The following MALRD1 variants were observed in gnomAD, a reference collection of about 807,000 sequenced individuals.
The protein encoded by MALRD1 is MAM and LDL receptor class A domain containing 1.
In MALRD1, 247 loss-of-function variants were observed where a neutral mutation model predicts 242.1. The ratio of observed to expected loss-of-function variants is 1.02; its 90% CI spans 0.92 to 1.13. The LOEUF (loss-of-function observed/expected upper bound fraction) is 1.13, where lower values mean the gene tolerates loss of function less well. MALRD1 is among the 50% of genes most tolerant of loss of function. MALRD1 has a pLI of 0.00. For synonymous variants in MALRD1, 995 were observed against 866.6 expected, an observed-to-expected ratio of 1.15 and a Z score of -2.60; for missense variants, 2,989 against 2,533.1, an observed-to-expected ratio of 1.18 and a Z score of -3.86.
At chr10:19,492,481 A>T (rs1332946326) in intron 30 of MALRD1, among the ~76,000 whole-genome samples, 2 of 152,148 alleles carry the variant, frequency 1.3e-5, no homozygotes, top group African/African-American at 4.8e-5. Context: ...GTGGAACTAG[A>T]TAATCACATC....
At chr10:19,122,152 C>G (rs903342242) in intron 5 of MALRD1, among the ~76,000 whole-genome samples, 1 of 151,972 alleles carries the variant, frequency 6.6e-6, no homozygotes, top group Admixed American at 6.6e-5. Flanking sequence ...TCTGACATCT[C>G]TAATAAAGGA....
At chr10:19,144,913 A>G (rs1216678920) in intron 10 of MALRD1, among the ~76,000 whole-genome samples, 1 of 152,214 alleles carries the variant, frequency 6.6e-6, no homozygotes, top group Non-Finnish European at 1.5e-5. Context: ...TTGTTATTAA[A>G]GATGATAGCA....
chr10:19,175,569 C>A (rs912090687), intron 14 of MALRD1, among the ~76,000 whole-genome samples: 2 of 150,490 alleles, frequency 1.3e-5, no homozygotes, highest in Non-Finnish European at 3.0e-5. Context: ...GAAATTATTG[C>A]ATCCAAATAT....
intron 26 of MALRD1, among the ~76,000 whole-genome samples, chr10:19,383,423 A>G (rs1046675631): frequency 3.3e-5 from 5 of 152,172 alleles, no homozygotes; most frequent in African/African-American, 1.2e-4. Flanking sequence ...TGGTAAATAC[A>G]TACCACATTT....
intron 26 of MALRD1, among the ~76,000 whole-genome samples, chr10:19,379,171 A>C (rs10763972): frequency 0.57 from 86,456 of 151,754 alleles, 24,796 homozygotes; most frequent in Middle Eastern, 0.6. Flanking sequence ...TCACATTGGT[A>C]ATCTTTGTCT....
intron 38 of MALRD1, chr10:19,722,619 A>AG (rs1834821791): frequency 6.9e-6 from 1 of 144,482 alleles, no homozygotes; most frequent in African/African-American, 2.6e-5. Context: ...AAAAAAAAAA[A>AG]GGTGGAAAAA....
intron 33 of MALRD1, among the ~76,000 whole-genome samples, chr10:19,573,081 T>A (rs185738300): frequency 6.6e-6 from 1 of 152,020 alleles, no homozygotes; most frequent in Non-Finnish European, 1.5e-5. Flanking sequence ...CATTACACAC[T>A]GCTTCCTGAT....
intron 33 of MALRD1, among the ~76,000 whole-genome samples, chr10:19,586,024 C>G (rs1365372196): frequency 6.6e-6 from 1 of 152,172 alleles, no homozygotes; most frequent in Non-Finnish European, 1.5e-5. Context: ...GCATCGGCTC[C>G]TGAGGCTTCT....
chr10:19,381,673 CA>C (rs542568281), intron 26 of MALRD1, among the ~76,000 whole-genome samples: 21,443 of 118,412 alleles, frequency 0.18, 1,534 homozygotes, highest in African/African-American at 0.21. Flanking sequence ...ACTAAAAATA[CA>C]AAAAAAAAAA....
chr10:19,562,330 TAGATAGATAGATAGTTAGA>T (rs1836011961), intron 32 of MALRD1, among the ~76,000 whole-genome samples: 1 of 144,848 alleles, frequency 6.9e-6, no homozygotes, highest in Non-Finnish European at 1.5e-5. Flanking sequence ...GATAGATAGA[TAGATAGATAGATAGTTAGA>T]TAGATAGATA....
chr10:19,566,539 C>G (rs901308069), intron 32 of MALRD1, among the ~76,000 whole-genome samples: 2 of 151,474 alleles, frequency 1.3e-5, no homozygotes, highest in Non-Finnish European at 2.9e-5. Flanking sequence ...GAAAAATGTA[C>G]TATTGCAATA....
chr10:19,519,289 A>C lies in MALRD1; in HGVS notation c.5321-11905A>C, dbSNP rs116290700. ...TCTTCTATTGTTGCCTCCTACTTTTACTTTTCCTTTGACTTTTCTCCTATT... is the reference window on the plus strand; with the variant it reads ...TCTTCTATTGTTGCCTCCTACTTTTCCTTTTCCTTTGACTTTTCTCCTATT... On this transcript the variant is annotated intron_variant, in intron 31 of 39. Transcript: ENST00000454679. 1.5e-3 allele frequency among the ~76,000 whole-genome samples: 222 copies of C among 152,110 alleles called. 1 individual carries two copies. The highest frequency in any genetic ancestry group is 5.0e-3 in the African/African-American group (206 of 41,498).
intron 21 of MALRD1, among the ~76,000 whole-genome samples, chr10:19,298,440 G>A (rs919126697): frequency 5.9e-5 from 9 of 151,932 alleles, no homozygotes; most frequent in African/African-American, 1.7e-4. Flanking sequence ...GAACTGATAG[G>A]AAAGACAAGA....
rs1471226390 is a variant in MALRD1, at chr10:19,064,841, T to C, written c.200-1878T>C. ...AACATCCATCTTTTATTTTATTGAA[T>C]TGTAGCTGCTTCATGCGGAGCAGGA... On this transcript the variant is annotated intron_variant, in intron 1 of 39. Coordinates refer to ENST00000454679, the MANE Select transcript of MALRD1 (RefSeq NM_001142308.3). Among the ~76,000 whole-genome samples the C allele has an allele frequency of 2.6e-5, 4 of 151,798 alleles. No homozygotes were observed. In the East Asian group the frequency reaches 7.7e-4, roughly 29 times the overall value.
intron 18 of MALRD1, among the ~76,000 whole-genome samples, chr10:19,225,974 T>C (rs1564480739): frequency 1.3e-5 from 2 of 152,214 alleles, no homozygotes; most frequent in African/African-American, 2.4e-5. Context: ...GTGTTATCCC[T>C]GGTCAGATTA....
At chr10:19,153,709 G>T (rs1039566326) in intron 11 of MALRD1, among the ~76,000 whole-genome samples, 3 of 150,996 alleles carry the variant, frequency 2.0e-5, no homozygotes, top group East Asian at 1.9e-4. Flanking sequence ...AAAAAGAAAA[G>T]AAAATTAAAT....
intron 29 of MALRD1, among the ~76,000 whole-genome samples, chr10:19,481,296 G>C (rs1254754131): frequency 1.3e-5 from 2 of 152,114 alleles, no homozygotes; most frequent in African/African-American, 4.8e-5. Context: ...AGTTTCAGAC[G>C]TGTTGCTATT....
intron 33 of MALRD1, among the ~76,000 whole-genome samples, chr10:19,575,520 CACTT>C (rs1836773486): frequency 2.0e-5 from 3 of 151,810 alleles, no homozygotes; most frequent in South Asian, 2.1e-4. Flanking sequence ...CACAAACACA[CACTT>C]ACTCAGCATT....
intron 18 of MALRD1, among the ~76,000 whole-genome samples, chr10:19,215,687 T>A (rs1837278694): frequency 6.6e-6 from 1 of 151,974 alleles, no homozygotes; most frequent in African/African-American, 2.4e-5. Flanking sequence ...TCTTACTGTC[T>A]CAAACTAGAT....
Sources: allele counts gnomAD v4.1 joint callset (sites outside exome capture counted in the v4.1 genomes callset), GRCh38; gene constraint gnomAD v4.1.1; transcripts MANE v1.5; gene names NCBI Gene and HGNC (gene_info 2026-07-23, HGNC 2026-07-21).